The following ASB5 variants were observed in gnomAD, a reference collection of about 807,000 sequenced individuals.
ASB5 encodes ankyrin repeat and SOCS box containing 5, also known as ankyrin repeat and SOCS box protein 5.
In ASB5, 45 loss-of-function variants were observed where a neutral mutation model predicts 42.1. The ratio of observed to expected loss-of-function variants is 1.07; its 90% CI spans 0.84 to 1.37. ASB5 has a LOEUF of 1.37. Among genes scored for constraint, ASB5 ranks in the 40% most tolerant of loss-of-function variants. The pLI is 0.00. For missense variants in ASB5, 402 were observed against 399.8 expected (o/e 1.01, Z -0.05); for synonymous variants, 147 against 150.6 (o/e 0.98, Z 0.18).
At chr4:176,263,566 G>A (rs182875405) in intron 1 of ASB5, among the ~76,000 whole-genome samples, 9 of 152,080 alleles carry the variant, frequency 5.9e-5, no homozygotes, top group Admixed American at 1.3e-4. Flanking sequence ...CAGTTCTATC[G>A]ATTCCAGTTA....
chr4:176,273,664 C>T (rs1754515177), upstream of ASB5, among the ~76,000 whole-genome samples: 1 of 152,192 alleles, frequency 6.6e-6, no homozygotes, highest in African/African-American at 2.4e-5. Flanking sequence ...CACAGAACAG[C>T]CTTTCTCCTA....
Position 176,215,604 on chromosome 4 carries a change from C to A in ASB5, c.986G>T (p.Arg329Leu), listed in dbSNP as rs61756322. 21 of 1,611,052 alleles carry A rather than the reference C, an allele frequency of 1.3e-5. No homozygotes were observed. The highest frequency in any genetic ancestry group is 1.7e-5 in the Non-Finnish European group (20 of 1,178,526). ...PTLLKNFLQYR is the reference protein window; with the variant it reads ...PTLLKNFLQYL Reference sequence around the variant, plus strand: ...ATTTAGAATTACTTTACTGTTTTATCGATACTGTAAGAAATTCTTCAGTAA... The same window carrying A: ...ATTTAGAATTACTTTACTGTTTTATAGATACTGTAAGAAATTCTTCAGTAA... Residue 329 changes from arginine (R) to leucine (L), a missense_variant, in exon 7 of 7, where the codon CGA becomes CTA. Coordinates refer to ENST00000296525, the MANE Select transcript of ASB5 (RefSeq NM_080874.4).
chr4:176,219,599 T>TG lies in ASB5; in HGVS notation c.670+1555_670+1556insC, dbSNP rs1256675512. 9.3e-5 allele frequency among the ~76,000 whole-genome samples: 11 copies of TG among 118,082 alleles called. 2 individuals are homozygous for TG. Among genetic ancestry groups the TG allele is most frequent in the African/African-American group, 3.4e-4 (11 of 31,922 alleles). The allele number at this position is 118,082 out of a possible 152,430, so 77.5% of individuals were successfully genotyped here. The stretch of plus-strand genomic sequence containing the variant: ...TGATATATATATATATATATATATA[T>TG]ATATATATATATATATATAGGCTGG... On this transcript the variant is annotated intron_variant, in intron 5 of 6. Transcript: ENST00000296525.
intron 1 of ASB5, among the ~76,000 whole-genome samples, chr4:176,260,655 T>C (rs1754247044): frequency 6.6e-6 from 1 of 152,126 alleles, no homozygotes; most frequent in African/African-American, 2.4e-5. Flanking sequence ...TTTTGTTTTG[T>C]TGTTGCTGTT....
At chr4:176,241,137 T>TATATCATAATTATATATC (rs1244537927) in intron 1 of ASB5, among the ~76,000 whole-genome samples, 1 of 152,188 alleles carries the variant, frequency 6.6e-6, no homozygotes, top group Non-Finnish European at 1.5e-5. Flanking sequence ...TCTTTATAAT[T>TATATCATAATTATATATC]ATAACCGCAA....
At chr4:176,266,647 A>C (rs1388010040) in intron 1 of ASB5, among the ~76,000 whole-genome samples, 1 of 152,148 alleles carries the variant, frequency 6.6e-6, no homozygotes, top group South Asian at 2.1e-4. Flanking sequence ...TTATGCTTAT[A>C]TTGAATTAAA....
chr4:176,255,009 A>G (rs1413959601), intron 1 of ASB5, among the ~76,000 whole-genome samples: 2 of 152,158 alleles, frequency 1.3e-5, no homozygotes, highest in East Asian at 3.8e-4. Flanking sequence ...GCGTGCCTGT[A>G]ATCCCAGCTA....
At chr4:176,228,297 G>A (rs1753434025) in intron 1 of ASB5, among the ~76,000 whole-genome samples, 1 of 151,850 alleles carries the variant, frequency 6.6e-6, no homozygotes, top group Admixed American at 6.6e-5. Context: ...CCCTGATGTC[G>A]AGAGAAAAAA....
chr4:176,244,178 T>C (rs1753865229), intron 1 of ASB5, among the ~76,000 whole-genome samples: 3 of 152,192 alleles, frequency 2.0e-5, no homozygotes, highest in Admixed American at 2.0e-4. Context: ...ATGGTATATA[T>C]TATATTTATG....
intron 5 of ASB5, among the ~76,000 whole-genome samples, chr4:176,218,134 T>C (rs1180782662): frequency 8.1e-6 from 1 of 122,804 alleles, no homozygotes; most frequent in Non-Finnish European, 1.8e-5. Flanking sequence ...TATATATATA[T>C]ATTTGTATGA....
At chr4:176,219,584 ATATATATATATATATATATATATAT>A (rs1753135195) in intron 5 of ASB5, among the ~76,000 whole-genome samples, 1 of 49,036 alleles carries the variant, frequency 2.0e-5, no homozygotes, top group Non-Finnish European at 4.6e-5. Context: ...TGATATATAT[ATATATATATATATATATATATATAT>A]ATATATATAG....
At chr4:176,254,943 A>C (rs180777668) in intron 1 of ASB5, among the ~76,000 whole-genome samples, 1 of 152,180 alleles carries the variant, frequency 6.6e-6, no homozygotes, top group Non-Finnish European at 1.5e-5. Flanking sequence ...CAGCCTGACC[A>C]ACATGGTGAA....
chr4:176,230,713 A>G (rs182136210), intron 1 of ASB5, among the ~76,000 whole-genome samples: 31 of 152,316 alleles, frequency 2.0e-4, no homozygotes, highest in African/African-American at 6.5e-4. Flanking sequence ...CATATTTAAT[A>G]TTAAATATCT....
At chr4:176,238,703 G>A (rs1483487685) in intron 1 of ASB5, among the ~76,000 whole-genome samples, 3 of 151,604 alleles carry the variant, frequency 2.0e-5, no homozygotes, top group African/African-American at 4.8e-5. Flanking sequence ...GTATATAAAA[G>A]GAAAAAAGTA....
chr4:176,249,997 G>A (rs537218775), intron 1 of ASB5, among the ~76,000 whole-genome samples: 6 of 150,088 alleles, frequency 4.0e-5, no homozygotes, highest in South Asian at 4.2e-4. Flanking sequence ...CCCGGGAGGC[G>A]GAGCTTGCAG....
At chr4:176,256,340 A>T (rs908870603) in intron 1 of ASB5, among the ~76,000 whole-genome samples, 3 of 152,214 alleles carry the variant, frequency 2.0e-5, no homozygotes, top group African/African-American at 7.2e-5. Context: ...CAAAGAAAGA[A>T]TACAAAAATC....
At chr4:176,268,846 C>A in intron 1 of ASB5, 67 bp downstream of exon 1, 2 of 1,296,706 alleles carry the variant, frequency 1.5e-6, no homozygotes, top group Non-Finnish European at 2.1e-6. Context: ...AAAAAGAAAA[C>A]ATGTAATTGT....
At chr4:176,239,883 A>C (rs1030824108) in intron 1 of ASB5, among the ~76,000 whole-genome samples, 1 of 152,218 alleles carries the variant, frequency 6.6e-6, no homozygotes, top group Non-Finnish European at 1.5e-5. Context: ...AGCAAAAGTA[A>C]TTTTTAAAAA....
intron 1 of ASB5, among the ~76,000 whole-genome samples, chr4:176,244,451 G>T (rs935017289): frequency 2.0e-5 from 3 of 152,158 alleles, no homozygotes; most frequent in African/African-American, 7.2e-5. Context: ...TACTTCAATT[G>T]CTATGTATGA....
Sources: gnomAD v4.1 joint callset for allele counts (sites outside exome capture counted in the v4.1 genomes callset) on GRCh38, gnomAD v4.1.1 for gene constraint, MANE v1.5 for transcripts, NCBI Gene and HGNC (gene_info 2026-07-23, HGNC 2026-07-21) for gene names.